Variants in SH3PXD2B observed in about 807,000 individuals in gnomAD.
SH3PXD2B encodes the protein SH3 and PX domain-containing protein 2B.
SH3PXD2B carries 37 observed loss-of-function variants against 73.1 expected under a neutral mutation model. That is an observed-to-expected ratio of 0.51 (90% confidence interval 0.39 to 0.67). SH3PXD2B has a LOEUF of 0.67. SH3PXD2B is among the 30% of genes least tolerant of loss of function. The probability of loss-of-function intolerance (pLI) is 0.00; values close to 1 mark genes in which losing one functional copy is unlikely to be tolerated. For synonymous variants in SH3PXD2B, 457 were observed against 480.5 expected, an observed-to-expected ratio of 0.95 and a Z score of 0.64; for missense variants, 1,053 against 1,197.8, an observed-to-expected ratio of 0.88 and a Z score of 1.78.
At chr5:172,425,590 G>A (rs1759077357) in intron 1 of SH3PXD2B, among the ~76,000 whole-genome samples, 1 of 152,114 alleles carries the variant, frequency 6.6e-6, no homozygotes, top group African/African-American at 2.4e-5. Context: ...AGGAGAGTAT[G>A]ACAGCTGACA....
chr5:172,368,685 GTTATATATATAAAATA>G (rs1757623620), intron 6 of SH3PXD2B, among the ~76,000 whole-genome samples: 2 of 11,636 alleles, frequency 1.7e-4, no homozygotes, highest in African/African-American at 9.7e-4. Flanking sequence ...AAATATATAT[GTTATATATATAAAATA>G]TATATATATT....
At position 172,339,263 on chromosome 5, in the gene SH3PXD2B, G is replaced by A. The variant is rs376832590; in HGVS notation, c.1842C>T (p.Pro614=). The change falls in exon 13 of 13, where the codon CCC becomes CCT. Residue 614 remains proline, a synonymous_variant. Transcript: ENST00000311601. The surrounding 1 kb of genome is among the most constrained non-coding windows in gnomAD (Gnocchi z 6.1). ...AKEVKKPNLR[P]ISKSKTDLPE... ...GCAGGTCAGTTTTGGATTTGGAGATGGGCCGGAGGTTGGGCTTCTTCACTT... is the reference window on the plus strand; with the variant it reads ...GCAGGTCAGTTTTGGATTTGGAGATAGGCCGGAGGTTGGGCTTCTTCACTT... The A allele has an allele frequency of 3.6e-5, 58 of 1,614,100 alleles. No individual in the cohort carries two copies. The highest frequency in any genetic ancestry group is 4.7e-5 in the Non-Finnish European group (55 of 1,180,048).
intron 1 of SH3PXD2B, 135 bp from the exon 2 acceptor site, chr5:172,422,631 C>G (rs1483350348): frequency 1.3e-6 from 1 of 797,714 alleles, no homozygotes; most frequent in Non-Finnish European, 2.1e-6. Context: ...ACTGGCTGGA[C>G]AAGTTGCTTG....
intron 1 of SH3PXD2B, among the ~76,000 whole-genome samples, chr5:172,431,526 T>C (rs1267728656): frequency 6.6e-6 from 1 of 152,248 alleles, no homozygotes; most frequent in African/African-American, 2.4e-5. Flanking sequence ...ATGAGGGTTT[T>C]TGTGCAACTA....
rs1561583315 is a variant in SH3PXD2B at position 172,439,252 on chromosome 5, AAAAAAAAAAAAC to A, written c.75+15014_75+15025del. On this transcript the variant is annotated intron_variant, in intron 1 of 12. Coordinates refer to ENST00000311601, the MANE Select transcript of SH3PXD2B (RefSeq NM_001017995.3). ...CAGAAAAAACAGAAAAAAAAAAAAG[AAAAAAAAAAAAC>A]AAAAACAAAAACAAAACAAAAAAAA... Among the ~76,000 whole-genome samples, 2 of 73,850 alleles carry A rather than the reference AAAAAAAAAAAAC, an allele frequency of 2.7e-5. 1 individual carries two copies. The highest frequency in any genetic ancestry group is 8.2e-4 in the South Asian group (2 of 2,428). The allele number at this position is 73,850 out of a possible 152,430, so 48.4% of individuals were successfully genotyped here. A position where few individuals can be genotyped will look rare whatever the true frequency, so the allele number is the denominator to read the frequency against.
At chr5:172,330,775 ATCTCTCAGAC>A (rs1011973618), downstream of SH3PXD2B, among the ~76,000 whole-genome samples, 22 of 152,350 alleles carry the variant, frequency 1.4e-4, no homozygotes, top group African/African-American at 5.3e-4. Context: ...GGGTAAATTA[ATCTCTCAGAC>A]TGTTAATTTC....
rs778908491 is a variant in SH3PXD2B at position 172,338,952 on chromosome 5, C to T, written c.2153G>A (p.Gly718Asp). The change falls in exon 13 of 13, where the codon GGT (glycine) becomes GAT (aspartate). Residue 718 changes from glycine (G) to aspartate (D), a missense_variant. Gly to Asp is a moderately conservative substitution (Grantham distance 94). Around this residue, in one of 2 missense-constraint regions of SH3PXD2B, gnomAD observed 587 missense variants for 590.7 expected, o/e 0.99. Coordinates refer to ENST00000311601, the MANE Select transcript of SH3PXD2B (RefSeq NM_001017995.3). The surrounding 1 kb of genome is among the most constrained non-coding windows in gnomAD (Gnocchi z 5.1). Reference protein sequence around the residue: ...RAQDRTGKQDGLSPKEISCRA... With the variant: ...RAQDRTGKQDDLSPKEISCRA... ...GCAGGAAATCTCTTTTGGGCTGAGA[C>T]CATCCTGTTTGCCCGTCCTGTCCTG... 5.0e-6 allele frequency: 8 copies of T among 1,614,048 alleles called. No homozygotes were observed. Among genetic ancestry groups the T allele is most frequent in the Non-Finnish European group, 6.8e-6 (8 of 1,180,020 alleles).
At chr5:172,356,133 T>C (rs537062070) in intron 8 of SH3PXD2B, among the ~76,000 whole-genome samples, 10 of 152,086 alleles carry the variant, frequency 6.6e-5, no homozygotes, top group African/African-American at 2.4e-4. Context: ...CAAGTGACCC[T>C]ACTGGGTCAG....
Position 172,338,317 on chromosome 5 carries a change from G to T in SH3PXD2B, c.*52C>A. 3 of 1,612,982 alleles carry T rather than the reference G, an allele frequency of 1.9e-6. No individual in the cohort carries two copies. The highest frequency in any genetic ancestry group is 2.5e-6 in the Non-Finnish European group (3 of 1,180,016). ...ATAAATTAAGAGGCGTATTAAATAC[G>T]TGGGTAAAGCCAGCAAGGACCAGCG... On this transcript the variant is annotated 3_prime_UTR_variant, in exon 13 of 13. Transcript: ENST00000311601. This position sits in a 1 kb window ranked among gnomAD's most constrained non-coding sequence, Gnocchi z 5.1.
At chr5:172,407,164 G>A (rs74456032) in intron 2 of SH3PXD2B, among the ~76,000 whole-genome samples, 1,930 of 152,294 alleles carry the variant, frequency 0.013, 16 homozygotes, top group South Asian at 0.032. Flanking sequence ...GACTTGCAGC[G>A]TTATTTTATG....
rs1238235552 is a variant in SH3PXD2B, at chr5:172,335,414, G to A, written c.*2955C>T. The A allele has an allele frequency of 6.6e-6, 8 of 1,215,168 alleles. No individual in the cohort carries two copies. The highest frequency in any genetic ancestry group is 7.1e-6 in the Non-Finnish European group (7 of 982,568). The allele number at this position is 1,215,168 out of a possible 1,614,324, so 75.3% of individuals were successfully genotyped here. On this transcript the variant is annotated 3_prime_UTR_variant, in exon 13 of 13. Coordinates refer to ENST00000311601, the MANE Select transcript of SH3PXD2B (RefSeq NM_001017995.3). Reference sequence around the variant, plus strand: ...AATGGCAGAGAAAAGTCATGGACACGAGGGAAAGAACAACAACAACAAAAC... The same window carrying A: ...AATGGCAGAGAAAAGTCATGGACACAAGGGAAAGAACAACAACAACAAAAC...
chr5:172,373,253 C>A (rs537256472), intron 6 of SH3PXD2B, among the ~76,000 whole-genome samples: 1 of 152,202 alleles, frequency 6.6e-6, no homozygotes, highest in Non-Finnish European at 1.5e-5. Flanking sequence ...CTGTGCCTGG[C>A]GATCCCCTCA....
chr5:172,406,619 T>A (rs747770251), intron 2 of SH3PXD2B, among the ~76,000 whole-genome samples: 21 of 152,088 alleles, frequency 1.4e-4, no homozygotes, highest in Non-Finnish European at 2.6e-4. Flanking sequence ...GGGTTCTCCA[T>A]CCACAGGATC....
chr5:172,360,138 G>T (rs1382050842), intron 7 of SH3PXD2B, among the ~76,000 whole-genome samples: 1 of 152,162 alleles, frequency 6.6e-6, no homozygotes, highest in Non-Finnish European at 1.5e-5. Context: ...CGGGCGTGGT[G>T]GCTCATGCAT....
intron 1 of SH3PXD2B, among the ~76,000 whole-genome samples, chr5:172,441,841 G>A (rs1188969771): frequency 2.0e-5 from 3 of 152,062 alleles, no homozygotes; most frequent in Admixed American, 6.5e-5. Context: ...TCATAGGGGA[G>A]GAGAAGGGAT....
At chr5:172,325,279 C>T (rs989999995) in exon 13 of SH3PXD2B, 1 of 1,534,354 alleles carries the variant, frequency 6.5e-7, no homozygotes, top group Non-Finnish European at 8.7e-7. Flanking sequence ...GTGGTTCTCA[C>T]ATCTCCATGG....
chr5:172,400,585 G>C (rs143897906), intron 3 of SH3PXD2B, among the ~76,000 whole-genome samples: 2,184 of 152,232 alleles, frequency 0.014, 18 homozygotes, highest in South Asian at 0.032. Flanking sequence ...GTATGGGAAG[G>C]GAAAACTATT....
intron 1 of SH3PXD2B, among the ~76,000 whole-genome samples, chr5:172,423,703 G>A (rs927671014): frequency 6.6e-6 from 1 of 152,122 alleles, no homozygotes; most frequent in Non-Finnish European, 1.5e-5. Context: ...CCAGGCTGGA[G>A]TGCAGTGACA....
At chr5:172,375,786 T>G (rs1349096135) in intron 5 of SH3PXD2B, among the ~76,000 whole-genome samples, 1 of 152,216 alleles carries the variant, frequency 6.6e-6, no homozygotes, top group East Asian at 1.9e-4. Context: ...TTCCACTCTT[T>G]GGCTATTTTG....
Sources: gnomAD v4.1 joint callset for allele counts (sites outside exome capture counted in the v4.1 genomes callset) on GRCh38, gnomAD v4.1.1 for gene constraint, gnomAD v4.1.1 regional missense constraint, Gnocchi (gnomAD v3.1) non-coding constraint, MANE v1.5 for transcripts, NCBI Gene and HGNC (gene_info 2026-07-23, HGNC 2026-07-21) for gene names.